Variants in CLIC6 observed in about 807,000 individuals in gnomAD.
CLIC6 encodes chloride intracellular channel protein 6.
Under a neutral mutation model 49.2 loss-of-function variants are expected in CLIC6, and 39 were observed. The ratio of observed to expected loss-of-function variants is 0.79; its 90% CI spans 0.61 to 1.04. The LOEUF (loss-of-function observed/expected upper bound fraction) is 1.04, where lower values mean the gene tolerates loss of function less well. Among genes scored for constraint, CLIC6 ranks in the 50% least tolerant of loss-of-function variants. CLIC6 has a pLI of 0.00. For missense variants in CLIC6, 988 were observed against 993.1 expected (o/e 0.99, Z 0.07); for synonymous variants, 446 against 433.4 (o/e 1.03, Z -0.36).
At chr21:34,679,148 G>C (rs1989728263) in intron 1 of CLIC6, among the ~76,000 whole-genome samples, 1 of 152,218 alleles carries the variant, frequency 6.6e-6, no homozygotes, top group Non-Finnish European at 1.5e-5. Context: ...AAAGGAAAGA[G>C]GTTTAATTGA....
chr21:34,686,808 T>C (rs916758604), intron 1 of CLIC6, among the ~76,000 whole-genome samples: 10 of 152,084 alleles, frequency 6.6e-5, no homozygotes, highest in African/African-American at 2.4e-4. Flanking sequence ...CGCAAGACAC[T>C]GGGCACATGT....
chr21:34,698,379 G>T (rs1990127084), intron 1 of CLIC6, among the ~76,000 whole-genome samples: 1 of 151,490 alleles, frequency 6.6e-6, no homozygotes, highest in Non-Finnish European at 1.5e-5. Flanking sequence ...AAGGACAGAA[G>T]GAAGGAAGGA....
intron 1 of CLIC6, among the ~76,000 whole-genome samples, chr21:34,686,857 A>G (rs1396835346): frequency 6.6e-6 from 1 of 152,162 alleles, no homozygotes; most frequent in African/African-American, 2.4e-5. Flanking sequence ...GACCATCCAC[A>G]AGACACTGGG....
At chr21:34,713,573 A>T (rs1011149664) in intron 5 of CLIC6, among the ~76,000 whole-genome samples, 1 of 152,220 alleles carries the variant, frequency 6.6e-6, no homozygotes, top group Non-Finnish European at 1.5e-5. Context: ...CAAGCCTGAG[A>T]AAAATCATCT....
In CLIC6 at chr21:34,670,677, C is replaced by A. The variant is rs1167342495; in HGVS notation, c.1289C>A (p.Ala430Glu). The part of the protein sequence containing the change: ...EGPAEGSGEA[A>E]RVNGRREDGE... The stretch of plus-strand genomic sequence containing the variant: ...CCCGCCGAGGGTAGCGGCGAGGCCG[C>A]GCGCGTGAACGGCCGCCGGGAGGAC... The change falls in exon 1 of 6, where the codon GCG becomes GAG. Residue 430 changes from alanine (A) to glutamate (E), a missense_variant. By Grantham distance (107) the Ala-to-Glu change is moderately radical. Coordinates refer to ENST00000349499, the MANE Select transcript of CLIC6 (RefSeq NM_053277.3). 1.3e-6 allele frequency: 2 copies of A among 1,575,432 alleles called. No individual in the cohort carries two copies. The highest frequency in any genetic ancestry group is 2.7e-5 in the African/African-American group (2 of 74,120).
At chr21:34,714,442 C>T (rs1369721522) in intron 5 of CLIC6, among the ~76,000 whole-genome samples, 1 of 152,132 alleles carries the variant, frequency 6.6e-6, no homozygotes, top group African/African-American at 2.4e-5. Flanking sequence ...AATTCCAGAA[C>T]TTTGGGTGGC....
chr21:34,690,043 T>C (rs1483385107), intron 1 of CLIC6, among the ~76,000 whole-genome samples: 1 of 152,208 alleles, frequency 6.6e-6, no homozygotes, highest in African/African-American at 2.4e-5. Flanking sequence ...ATTTTCTGAG[T>C]CTGTTTCCCA....
intron 1 of CLIC6, among the ~76,000 whole-genome samples, chr21:34,688,590 C>T (rs1989928326): frequency 6.6e-6 from 1 of 152,176 alleles, no homozygotes; most frequent in Admixed American, 6.5e-5. Context: ...TTGCGCCTAA[C>T]CAAGAGGTGG....
rs1192267571 is a variant in CLIC6, at chr21:34,669,472, C to T, written c.84C>T (p.Pro28=). 1 of 1,234,812 alleles carries T rather than the reference C, an allele frequency of 8.1e-7. No homozygotes were observed. Among genetic ancestry groups the T allele is most frequent in the Non-Finnish European group, 1.0e-6 (1 of 990,008 alleles). The allele number at this position is 1,234,812 out of a possible 1,614,324, so 76.5% of individuals were successfully genotyped here. A position where few individuals can be genotyped will look rare whatever the true frequency, so the allele number is the denominator to read the frequency against. Residue 28 remains proline, a synonymous_variant, in exon 1 of 6, where the codon CCC becomes CCT. Coordinates refer to ENST00000349499, the MANE Select transcript of CLIC6 (RefSeq NM_053277.3). Reference sequence around the variant, plus strand: ...TCCCCGCGCCTCTGGCTGAGAGACCCGGAGAGCCAGGAGCCGCGGGCGGGG... The same window carrying T: ...TCCCCGCGCCTCTGGCTGAGAGACCTGGAGAGCCAGGAGCCGCGGGCGGGG... The part of the protein sequence containing the change: ...PEVPAPLAER[P]GEPGAAGGEA...
chr21:34,707,469 A>ACACACACACACACACACG, intron 2 of CLIC6, 80 bp downstream of exon 2: 1 of 877,962 alleles, frequency 1.1e-6, no homozygotes, highest in Non-Finnish European at 1.9e-6. Context: ...ACACACACAC[A>ACACACACACACACACACG]CCTGAGGCCA....
At chr21:34,671,534 T>C (rs1001114663) in intron 1 of CLIC6, among the ~76,000 whole-genome samples, 4 of 152,172 alleles carry the variant, frequency 2.6e-5, no homozygotes, top group African/African-American at 9.7e-5. Flanking sequence ...GAGGAAGTTT[T>C]GAATTTAAAC....
At position 34,670,136 on chromosome 21, in the gene CLIC6, G is replaced by A. The variant is rs1241308850; in HGVS notation, c.748G>A (p.Val250Ile). The A allele has an allele frequency of 2.2e-6, 3 of 1,385,466 alleles. No homozygotes were observed. Among genetic ancestry groups the A allele is most frequent in the African/African-American group, 3.1e-5 (2 of 64,346 alleles). The allele number at this position is 1,385,466 out of a possible 1,614,324, so 85.8% of individuals were successfully genotyped here. A position where few individuals can be genotyped will look rare whatever the true frequency, so the allele number is the denominator to read the frequency against. ...VDAEGRVGDS[V>I]EAGDPAGDGV... is the part of the protein sequence containing the mutation. The stretch of plus-strand genomic sequence containing the variant: ...CGCGGAGGGCCGGGTGGGGGACAGC[G>A]TAGAGGCGGGGGACCCGGCGGGGGA... Residue 250 changes from valine (V) to isoleucine (I), a missense_variant, in exon 1 of 6, where the codon GTA becomes ATA. Physicochemically the swap from Val to Ile is conservative, Grantham distance 29. Coordinates refer to ENST00000349499, the MANE Select transcript of CLIC6 (RefSeq NM_053277.3).
rs770438857 is a variant in CLIC6 at position 34,669,293 on chromosome 21, G to A, written c.-96G>A. The stretch of plus-strand genomic sequence containing the variant: ...TCCCGGAGCCGGCGTCCTTCAAGGA[G>A]CACAGAGGGCCCCGTAGCACGCCCC... On this transcript the variant is annotated 5_prime_UTR_variant, in exon 1 of 6. Transcript: ENST00000349499. The A allele has an allele frequency of 2.1e-5, 22 of 1,033,812 alleles. No individual in the cohort carries two copies. In the East Asian group the frequency reaches 3.9e-4, roughly 18 times the overall value. The allele number at this position is 1,033,812 out of a possible 1,614,324, so 64.0% of individuals were successfully genotyped here. A position where few individuals can be genotyped will look rare whatever the true frequency, so the allele number is the denominator to read the frequency against.
intron 4 of CLIC6, among the ~76,000 whole-genome samples, chr21:34,709,150 G>T (rs11702251): frequency 0.21 from 31,780 of 152,160 alleles, 3,397 homozygotes; most frequent in Middle Eastern, 0.25. Flanking sequence ...CTTCTAGAAG[G>T]AGCAATATTG....
At chr21:34,713,260 A>T (rs1320530567) in intron 5 of CLIC6, among the ~76,000 whole-genome samples, 3 of 152,210 alleles carry the variant, frequency 2.0e-5, no homozygotes, top group African/African-American at 7.2e-5. Context: ...TCTTACAGAA[A>T]TTTTTCTACA....
At chr21:34,673,644 T>C (rs1244486864) in intron 1 of CLIC6, among the ~76,000 whole-genome samples, 2 of 152,178 alleles carry the variant, frequency 1.3e-5, no homozygotes, top group African/African-American at 4.8e-5. Context: ...AGTATTGATA[T>C]TGTGTCTCAG....
In CLIC6 at chr21:34,672,045, G is replaced by A. The variant is rs76648061; in HGVS notation, c.1374+1283G>A. Reference sequence around the variant, plus strand: ...TTGGTTTTAGAAATTTCCCGTTGCTGTGGTTGTAAGGATACATGATTCTGG... The same window carrying A: ...TTGGTTTTAGAAATTTCCCGTTGCTATGGTTGTAAGGATACATGATTCTGG... On this transcript the variant is annotated intron_variant, in intron 1 of 5. Transcript: ENST00000349499. Among the ~76,000 whole-genome samples the A allele has an allele frequency of 9.2e-5, 14 of 152,270 alleles. 1 individual carries two copies. The highest frequency in any genetic ancestry group is 3.1e-4 in the African/African-American group (13 of 41,534).
chr21:34,707,417 A>G, intron 2 of CLIC6, 28 bp downstream of exon 2: 2 of 1,340,052 alleles, frequency 1.5e-6, no homozygotes, highest in East Asian at 2.3e-5. Flanking sequence ...CCTTACTGAA[A>G]TAACTGTACC....
chr21:34,717,725 C>G lies in CLIC6; in HGVS notation c.*1243C>G, dbSNP rs775077384. Reference sequence around the variant, plus strand: ...GACTTATCAGCCAGAATGTGTTCTTCGGACAGTCGTACACATCTTACAGAA... The same window carrying G: ...GACTTATCAGCCAGAATGTGTTCTTGGGACAGTCGTACACATCTTACAGAA... On this transcript the variant is annotated 3_prime_UTR_variant, in exon 6 of 6. Transcript: ENST00000349499. 1 of 152,174 alleles carries G rather than the reference C, an allele frequency of 6.6e-6. No homozygotes were observed. The highest frequency in any genetic ancestry group is 1.5e-5 in the Non-Finnish European group (1 of 68,044). The allele number at this position is 152,174 out of a possible 1,614,324, so 9.4% of individuals were successfully genotyped here.
Sources: allele counts gnomAD v4.1 joint callset (sites outside exome capture counted in the v4.1 genomes callset), GRCh38; gene constraint gnomAD v4.1.1; transcripts MANE v1.5; gene names NCBI Gene and HGNC (gene_info 2026-07-23, HGNC 2026-07-21).